CROCC: variants seen among roughly 807,000 people sequenced by gnomAD.
CROCC encodes the protein rootletin.
In CROCC, 180 loss-of-function variants were observed where a neutral mutation model predicts 245.2. The observed-to-expected ratio is 0.73, with a 90% CI of 0.65 to 0.83. The LOEUF (loss-of-function observed/expected upper bound fraction) is 0.83, where lower values mean the gene tolerates loss of function less well. Among genes scored for constraint, CROCC ranks in the 40% least tolerant of loss-of-function variants. CROCC has a pLI of 0.00. For synonymous variants in CROCC, 1,205 were observed against 1,241.6 expected (o/e 0.97, Z 0.62); for missense variants, 2,688 against 2,779.4 (o/e 0.97, Z 0.74).
intron 3 of CROCC, among the ~76,000 whole-genome samples, chr1:16,924,684 G>A (rs2075491075): frequency 6.6e-6 from 1 of 152,286 alleles, no homozygotes; most frequent in Non-Finnish European, 1.5e-5. Flanking sequence ...GGATTGTAAT[G>A]GGACGTGGAA....
chr1:16,944,458 A>G (rs567693262), intron 14 of CROCC, among the ~76,000 whole-genome samples, 176 bp downstream of exon 14: 19 of 152,404 alleles, frequency 1.2e-4, no homozygotes, highest in Admixed American at 5.2e-4. Flanking sequence ...TCAGGGAGGT[A>G]TAGTCACTTA....
intron 8 of CROCC, among the ~76,000 whole-genome samples, chr1:16,935,645 C>T (rs1299127397): frequency 1.3e-5 from 2 of 152,244 alleles, no homozygotes; most frequent in East Asian, 1.9e-4. Flanking sequence ...AGGATGGTCT[C>T]GATCTCCCGA....
Position 16,957,110 on chromosome 1 carries a change from A to G in CROCC, c.3864+954A>G, listed in dbSNP as rs187875383. Among the ~76,000 whole-genome samples the G allele has an allele frequency of 1.2e-3, 181 of 152,298 alleles. 1 individual carries two copies. The highest frequency in any genetic ancestry group is 2.3e-3 in the Non-Finnish European group (155 of 68,022). On this transcript the variant is annotated intron_variant, in intron 25 of 36. Transcript: ENST00000375541. ...AACATGGTGAAAACCTGTCTCTACT[A>G]AAAATACGAAAAATTAGCCAGCTGT...
chr1:16,965,941 G>C (rs1380853615), intron 28 of CROCC, 49 bp downstream of exon 28: 1 of 1,603,938 alleles, frequency 6.2e-7, no homozygotes, highest in Admixed American at 1.7e-5. Flanking sequence ...GGGCCCTGGG[G>C]AGGTTGCAGG....
intron 13 of CROCC, among the ~76,000 whole-genome samples, chr1:16,940,540 C>T (rs2075907100): frequency 6.6e-6 from 1 of 152,250 alleles, no homozygotes; most frequent in Non-Finnish European, 1.5e-5. Context: ...GTGCCCACCA[C>T]CACGCCCGGC....
Position 16,969,314 on chromosome 1 carries a change from T to C in CROCC, c.5275T>C (p.Cys1759Arg). 1 of 1,611,948 alleles carries C rather than the reference T, an allele frequency of 6.2e-7. No homozygotes were observed. The highest frequency in any genetic ancestry group is 8.5e-7 in the Non-Finnish European group (1 of 1,179,690). The change falls in exon 32 of 37, where the codon TGT becomes CGT. Residue 1759 changes from cysteine to arginine, a missense_variant. Physicochemically the swap from Cys to Arg is radical, Grantham distance 180. Around this residue, in one of 9 missense-constraint regions of CROCC, gnomAD observed 1,218 missense variants for 1,286.3 expected, o/e 0.95. Coordinates refer to ENST00000375541, the MANE Select transcript of CROCC (RefSeq NM_014675.5). ...NLHLQKALTA[C>R]EHDRQVLQER... Reference sequence around the variant, plus strand: ...GCATCTGCAGAAGGCTCTGACCGCCTGTGAACATGACCGCCAAGTACTCCA... The same window carrying C: ...GCATCTGCAGAAGGCTCTGACCGCCCGTGAACATGACCGCCAAGTACTCCA...
chr1:16,928,111 C>T (rs532743130), intron 3 of CROCC, among the ~76,000 whole-genome samples: 234 of 152,356 alleles, frequency 1.5e-3, no homozygotes, highest in Middle Eastern at 0.01. Flanking sequence ...CTGTTGGCTT[C>T]CTGTGGCTGG....
chr1:16,927,520 A>AC (rs1236869001), intron 3 of CROCC, among the ~76,000 whole-genome samples: 2 of 152,164 alleles, frequency 1.3e-5, no homozygotes, highest in Non-Finnish European at 2.9e-5. Flanking sequence ...CAGGCCCAAC[A>AC]CCCGCGCCAC....
intron 8 of CROCC, among the ~76,000 whole-genome samples, chr1:16,935,793 C>T (rs2075774699): frequency 1.3e-5 from 2 of 152,280 alleles, no homozygotes; most frequent in African/African-American, 4.8e-5. Context: ...TAGTAGCAGT[C>T]CCCTTTTGAT....
At chr1:16,920,059 A>T (rs1385621391), upstream of CROCC, among the ~76,000 whole-genome samples, 13 of 149,356 alleles carry the variant, frequency 8.7e-5, no homozygotes, top group African/African-American at 2.9e-4. Context: ...GCCCCAGCTA[A>T]TTTTTTTTAT....
At chr1:16,923,552 TCTC>T (rs1172799514) in intron 2 of CROCC, among the ~76,000 whole-genome samples, 1 of 152,344 alleles carries the variant, frequency 6.6e-6, no homozygotes, top group East Asian at 1.9e-4. Flanking sequence ...TCTTTCTCCT[TCTC>T]CTCACAACCT....
At chr1:16,914,092 G>A (rs1467295843) in intron 1 of CROCC, among the ~76,000 whole-genome samples, 2 of 151,602 alleles carry the variant, frequency 1.3e-5, no homozygotes, top group African/African-American at 2.4e-5. Context: ...GCCCGGTCCG[G>A]CCCGCTCGGC....
At chr1:16,945,784 T>C (rs1193563977) in intron 15 of CROCC, among the ~76,000 whole-genome samples, 178 bp downstream of exon 15, 2 of 152,294 alleles carry the variant, frequency 1.3e-5, no homozygotes, top group Non-Finnish European at 2.9e-5. Context: ...TCTGGACCTC[T>C]GGTCCCAGCC....
intron 3 of CROCC, among the ~76,000 whole-genome samples, chr1:16,925,098 G>A (rs114622609): frequency 6.0e-3 from 918 of 152,038 alleles, no homozygotes; most frequent in African/African-American, 0.021. Flanking sequence ...CGAGGGGTGC[G>A]GGATGCTCTT....
At chr1:16,934,925 A>G (rs1433211611) in intron 8 of CROCC, among the ~76,000 whole-genome samples, 1 of 126,642 alleles carries the variant, frequency 7.9e-6, no homozygotes, top group Non-Finnish European at 1.6e-5. Flanking sequence ...TTTGAGATAG[A>G]GTCTTGCTCT....
chr1:16,969,146 C>T lies in CROCC; in HGVS notation c.5107C>T (p.Leu1703=). The T allele has an allele frequency of 6.2e-7, 1 of 1,607,998 alleles. No homozygotes were observed. The highest frequency in any genetic ancestry group is 8.5e-7 in the Non-Finnish European group (1 of 1,177,748). Residue 1703 remains leucine, a synonymous_variant, in exon 32 of 37, where the codon CTG becomes TTG. Coordinates refer to ENST00000375541, the MANE Select transcript of CROCC (RefSeq NM_014675.5). ...CGACAGCGAGGTGAAGGCAGGGACC[C>T]TGCAGCTGACCGTGGAGCGGCTGAA... ...VADSEVKAGT[L]QLTVERLNGA...
chr1:16,963,453 G>A (rs909144533), intron 27 of CROCC, among the ~76,000 whole-genome samples: 10 of 152,132 alleles, frequency 6.6e-5, no homozygotes, highest in African/African-American at 1.4e-4. Context: ...AGGCCTCTAC[G>A]GGGACTTTTA....
intron 2 of CROCC, among the ~76,000 whole-genome samples, chr1:16,923,666 T>G (rs61550686): frequency 0.091 from 13,063 of 143,340 alleles, no homozygotes; most frequent in Non-Finnish European, 0.1. Context: ...TGGTTACTAC[T>G]ATTCTACCTT....
At chr1:16,930,762 T>C (rs1224517066) in intron 7 of CROCC, among the ~76,000 whole-genome samples, 168 bp downstream of exon 7, 1 of 152,298 alleles carries the variant, frequency 6.6e-6, no homozygotes, top group Non-Finnish European at 1.5e-5. Context: ...GTGTGTAGCA[T>C]GTACCACGTG....
Sources: allele counts gnomAD v4.1 joint callset (sites outside exome capture counted in the v4.1 genomes callset), GRCh38; gene constraint gnomAD v4.1.1; regional missense constraint gnomAD v4.1.1; transcripts MANE v1.5; gene names NCBI Gene and HGNC (gene_info 2026-07-23, HGNC 2026-07-21).